Variants in GNAO1 observed in about 807,000 individuals in gnomAD.
The protein encoded by GNAO1 is guanine nucleotide-binding protein G(o) subunit alpha.
For synonymous variants in GNAO1, 164 were observed against 180.7 expected (o/e 0.91, Z 0.74); for missense variants, 166 against 478.7 (o/e 0.35, Z 6.10).
intron 2 of GNAO1, among the ~76,000 whole-genome samples, chr16:56,237,909 T>G (rs1439064676): frequency 6.6e-6 from 1 of 152,226 alleles, no homozygotes; most frequent in Non-Finnish European, 1.5e-5. Context: ...GTTCCTGGGG[T>G]ACCACTTGTA....
chr16:56,268,571 G>C (rs1010806641), intron 2 of GNAO1, among the ~76,000 whole-genome samples: 3 of 152,180 alleles, frequency 2.0e-5, no homozygotes, highest in Admixed American at 2.0e-4. Flanking sequence ...ATGACTTGTT[G>C]TTCTTCCAGA....
intron 2 of GNAO1, among the ~76,000 whole-genome samples, chr16:56,198,340 G>T: frequency 6.6e-6 from 1 of 152,294 alleles, no homozygotes; most frequent in Admixed American, 6.5e-5. Flanking sequence ...ACACAGCATT[G>T]GTAGAAAGGA....
chr16:56,236,679 T>A (rs1169969566), intron 2 of GNAO1, among the ~76,000 whole-genome samples: 1 of 152,202 alleles, frequency 6.6e-6, no homozygotes, highest in African/African-American at 2.4e-5. Context: ...CCAGAGCAAA[T>A]TGGTCTCGTG....
At chr16:56,321,311 G>A (rs74020993) in intron 3 of GNAO1, among the ~76,000 whole-genome samples, 5,399 of 152,338 alleles carry the variant, frequency 0.035, 312 homozygotes, top group African/African-American at 0.12. Flanking sequence ...AGAGGTCTCT[G>A]TGGCTGCAGG....
At chr16:56,355,628 C>T (rs2037960854) in intron 8 of GNAO1, 1 of 152,262 alleles carries the variant, frequency 6.6e-6, no homozygotes, top group Non-Finnish European at 1.5e-5. Context: ...TTTAAGGATG[C>T]TTCTCTTTCG....
chr16:56,340,382 A>T (rs1261968188), intron 6 of GNAO1: 1 of 154,448 alleles, frequency 6.5e-6, no homozygotes, highest in African/African-American at 2.4e-5. Flanking sequence ...ATGTTTCCCA[A>T]CTGAATGCGT....
chr16:56,236,750 A>G (rs1358983825), intron 2 of GNAO1, among the ~76,000 whole-genome samples: 1 of 152,166 alleles, frequency 6.6e-6, no homozygotes, highest in African/African-American at 2.4e-5. Context: ...ATCGCCAAAT[A>G]CCTATGGCTT....
intron 6 of GNAO1, among the ~76,000 whole-genome samples, chr16:56,343,158 A>C (rs1386786627): frequency 6.6e-6 from 1 of 151,860 alleles, no homozygotes; most frequent in African/African-American, 2.4e-5. Context: ...GCATGTATAA[A>C]AGGAAAATGG....
chr16:56,296,357 G>T (rs998061424), intron 3 of GNAO1, among the ~76,000 whole-genome samples: 1 of 152,146 alleles, frequency 6.6e-6, no homozygotes, highest in Non-Finnish European at 1.5e-5. Context: ...CCAGAGCGAC[G>T]GGCTGGAATT....
intron 3 of GNAO1, among the ~76,000 whole-genome samples, chr16:56,298,964 C>CG: frequency 6.6e-6 from 1 of 150,516 alleles, no homozygotes; most frequent in East Asian, 1.9e-4. Flanking sequence ...AATATAAGGA[C>CG]GGGGTGTCAT....
At chr16:56,347,754 C>T in intron 6 of GNAO1, 1 of 946,408 alleles carries the variant, frequency 1.1e-6, no homozygotes, top group Non-Finnish European at 1.3e-6. Context: ...CTGTCCTCCC[C>T]TTCCCTCCCC....
chr16:56,290,768 A>G (rs1375149034), intron 3 of GNAO1, among the ~76,000 whole-genome samples: 4 of 152,184 alleles, frequency 2.6e-5, no homozygotes, highest in Non-Finnish European at 5.9e-5. Flanking sequence ...AGCACCTCCA[A>G]AAGAAACCCT....
Position 56,328,987 on chromosome 16 carries a change from G to A in GNAO1, c.464+196G>A. The A allele has an allele frequency of 2.7e-5, 16 of 582,886 alleles. 1 individual carries two copies. In the South Asian group the frequency reaches 3.3e-4, roughly 12 times the overall value. The allele number at this position is 582,886 out of a possible 1,614,324, so 36.1% of individuals were successfully genotyped here. ...TTCCTGCACCCCAGGAGGAGAAAGA[G>A]GCCAGAGGAGGCAGAGGACGCAAGA... On this transcript the variant is annotated intron_variant, in intron 4 of 8. Transcript: ENST00000262493.
At chr16:56,336,178 A>C (rs937785219) in intron 5 of GNAO1, among the ~76,000 whole-genome samples, 6 of 152,324 alleles carry the variant, frequency 3.9e-5, no homozygotes, top group Admixed American at 6.5e-5. Context: ...ATCTGCCAGA[A>C]AGGGGCCGTA....
At chr16:56,256,127 G>A (rs774086860) in intron 2 of GNAO1, among the ~76,000 whole-genome samples, 5 of 152,142 alleles carry the variant, frequency 3.3e-5, no homozygotes. Context: ...CTCTGGTTAT[G>A]GAGCCCAGAG....
At chr16:56,345,273 G>T (rs1201975203) in intron 6 of GNAO1, 1 of 985,508 alleles carries the variant, frequency 1.0e-6, no homozygotes, top group Middle Eastern at 5.2e-4. Context: ...TGTACAGCAG[G>T]CTGTGCCTGG....
At chr16:56,196,754 G>A (rs2036237114) in intron 2 of GNAO1, among the ~76,000 whole-genome samples, 1 of 152,206 alleles carries the variant, frequency 6.6e-6, no homozygotes, top group African/African-American at 2.4e-5. Context: ...ACCGAAATGG[G>A]CACAATAAAA....
intron 3 of GNAO1, among the ~76,000 whole-genome samples, chr16:56,317,199 G>A (rs566341650): frequency 6.6e-6 from 1 of 152,328 alleles, no homozygotes; most frequent in Admixed American, 6.5e-5. Flanking sequence ...GACAAATCCT[G>A]GGGCATCCAG....
intron 2 of GNAO1, among the ~76,000 whole-genome samples, chr16:56,195,775 A>G (rs1238694493): frequency 6.6e-6 from 1 of 152,258 alleles, no homozygotes; most frequent in African/African-American, 2.4e-5. Context: ...ATATTCAGAC[A>G]TCACTGAATA....
Sources: gnomAD v4.1 joint callset for allele counts (sites outside exome capture counted in the v4.1 genomes callset) on GRCh38, gnomAD v4.1.1 for gene constraint, MANE v1.5 for transcripts, NCBI Gene and HGNC (gene_info 2026-07-23, HGNC 2026-07-21) for gene names.